NAV2: variants seen among roughly 807,000 people sequenced by gnomAD.
NAV2 encodes the protein neuron navigator 2.
NAV2 carries 54 observed loss-of-function variants against 223.2 expected under a neutral mutation model. That is an observed-to-expected ratio of 0.24 (90% CI 0.19 to 0.30). The LOEUF is 0.30. Among genes scored for constraint, NAV2 ranks in the 10% least tolerant of loss-of-function variants. The pLI is 1.00. For synonymous variants in NAV2, 1,279 were observed against 1,239.3 expected (o/e 1.03, Z -0.67); for missense variants, 2,806 against 3,147.5 (o/e 0.89, Z 2.60).
At chr11:19,362,255 A>G (rs779376218) in intron 1 of NAV2, among the ~76,000 whole-genome samples, 7 of 152,232 alleles carry the variant, frequency 4.6e-5, no homozygotes, top group Non-Finnish European at 7.3e-5. Context: ...AGCCAGCTCT[A>G]TGTGACTCCA....
intron 1 of NAV2, among the ~76,000 whole-genome samples, chr11:19,718,392 C>G (rs1463976935): frequency 6.6e-6 from 1 of 152,158 alleles, no homozygotes; most frequent in Non-Finnish European, 1.5e-5. Context: ...TTTTTAGCAG[C>G]TGGTGTTCAA....
intron 1 of NAV2, among the ~76,000 whole-genome samples, chr11:19,684,821 T>C (rs2016149): frequency 1 from 151,698 of 152,344 alleles, 75,533 homozygotes; most frequent in Middle Eastern, 1. Flanking sequence ...CACCCATCCT[T>C]CAAGAGTGCT....
intron 34 of NAV2, chr11:20,105,311 G>A (rs999302311): frequency 9.2e-6 from 4 of 433,704 alleles, no homozygotes; most frequent in Admixed American, 4.1e-5. Flanking sequence ...ATTTCTGTCC[G>A]TAAAACGGAG....
chr11:19,923,170 A>T (rs1469626452), intron 6 of NAV2, among the ~76,000 whole-genome samples: 1 of 152,238 alleles, frequency 6.6e-6, no homozygotes, highest in South Asian at 2.1e-4. Context: ...GCCAGTGGAC[A>T]TCTGTCTTTT....
At chr11:19,778,942 C>G (rs1233779109) in intron 1 of NAV2, among the ~76,000 whole-genome samples, 1 of 152,246 alleles carries the variant, frequency 6.6e-6, no homozygotes, top group Non-Finnish European at 1.5e-5. Context: ...AACCTAAATG[C>G]TTTTTTAAAA....
At chr11:19,865,683 A>T (rs1222747435) in intron 3 of NAV2, among the ~76,000 whole-genome samples, 2 of 152,244 alleles carry the variant, frequency 1.3e-5, no homozygotes, top group Non-Finnish European at 2.9e-5. Context: ...CACTTGATGG[A>T]CTTACGAATG....
At chr11:19,451,065 C>A (rs551016733) in intron 1 of NAV2, among the ~76,000 whole-genome samples, 1 of 152,240 alleles carries the variant, frequency 6.6e-6, no homozygotes, top group East Asian at 1.9e-4. Context: ...GATTACCTTC[C>A]CATAATATAC....
chr11:19,865,757 T>G (rs1261457473), intron 3 of NAV2, among the ~76,000 whole-genome samples: 1 of 151,532 alleles, frequency 6.6e-6, no homozygotes, highest in Non-Finnish European at 1.5e-5. Flanking sequence ...AGCCATCTGG[T>G]TTTGGCTCCC....
At chr11:19,477,841 AG>A (rs2042164450) in intron 1 of NAV2, among the ~76,000 whole-genome samples, 1 of 152,214 alleles carries the variant, frequency 6.6e-6, no homozygotes. Context: ...GAAGTTTCTC[AG>A]CCAAAAAGTG....
intron 1 of NAV2, among the ~76,000 whole-genome samples, chr11:19,449,384 G>A (rs566800302): frequency 2.7e-5 from 4 of 149,548 alleles, no homozygotes; most frequent in African/African-American, 7.4e-5. Context: ...GCGACAGAGC[G>A]AGACTCCATC....
In NAV2 at chr11:19,966,075, G is replaced by C. The variant is rs145114367; in HGVS notation, c.2645+16995G>C. On this transcript the variant is annotated intron_variant, in intron 10 of 37. Transcript: ENST00000349880. ...GGGTACAGTGAACAATGCAGAAGCT[G>C]CCTCACCTTTTATCATCTAGCCTTG... is the stretch of plus-strand genomic sequence containing the variant. Among the ~76,000 whole-genome samples the C allele has an allele frequency of 4.7e-3, 721 of 152,312 alleles. 10 individuals carry two copies. The highest frequency in any genetic ancestry group is 0.016 in the African/African-American group (678 of 41,574).
chr11:19,354,808 G>A (rs2729846), intron 1 of NAV2, among the ~76,000 whole-genome samples: 35,445 of 152,140 alleles, frequency 0.23, 4,673 homozygotes, highest in East Asian at 0.44. Flanking sequence ...GACCTTAGCG[G>A]CTGGCTGTGG....
intron 1 of NAV2, among the ~76,000 whole-genome samples, chr11:19,419,936 C>T (rs557966941): frequency 2.4e-4 from 37 of 152,256 alleles, no homozygotes; most frequent in Middle Eastern, 6.8e-3. Flanking sequence ...GTGAGATGAA[C>T]GAATGAGCAA....
intron 2 of NAV2, among the ~76,000 whole-genome samples, chr11:19,840,277 C>T (rs561041366): frequency 6.6e-6 from 1 of 152,266 alleles, no homozygotes; most frequent in Admixed American, 6.5e-5. Flanking sequence ...AAGTATTAGG[C>T]TTGTAAGAGC....
chr11:19,736,137 C>G (rs995491388), intron 1 of NAV2, among the ~76,000 whole-genome samples: 1 of 152,198 alleles, frequency 6.6e-6, no homozygotes, highest in Non-Finnish European at 1.5e-5. Context: ...AGCAGTGACC[C>G]TATATCTCAC....
chr11:19,937,583 A>G (rs904015164), intron 7 of NAV2, among the ~76,000 whole-genome samples: 13 of 152,196 alleles, frequency 8.5e-5, no homozygotes, highest in Non-Finnish European at 5.9e-5. Context: ...CATTGTACAG[A>G]TGAGGATGCT....
intron 1 of NAV2, among the ~76,000 whole-genome samples, chr11:19,814,231 A>C (rs1221802159): frequency 2.6e-5 from 4 of 152,140 alleles, no homozygotes; most frequent in Non-Finnish European, 5.9e-5. Flanking sequence ...TGTTTTCTTA[A>C]TTGTGGGCCT....
At chr11:19,776,737 G>T (rs979667249) in intron 1 of NAV2, among the ~76,000 whole-genome samples, 5 of 151,094 alleles carry the variant, frequency 3.3e-5, no homozygotes, top group Middle Eastern at 3.4e-3. Context: ...ACTGCTCCAG[G>T]GGGAGGCGGC....
At chr11:19,876,960 A>G (rs951335471) in intron 4 of NAV2, among the ~76,000 whole-genome samples, 2 of 125,260 alleles carry the variant, frequency 1.6e-5, no homozygotes, top group Non-Finnish European at 3.7e-5. Flanking sequence ...ATTTATCAAT[A>G]AAAAATATTT....
Sources: allele counts gnomAD v4.1 joint callset (sites outside exome capture counted in the v4.1 genomes callset), GRCh38; gene constraint gnomAD v4.1.1; transcripts MANE v1.5; gene names NCBI Gene and HGNC (gene_info 2026-07-23, HGNC 2026-07-21).